LEF1: variants seen among roughly 807,000 people sequenced by gnomAD.
LEF1 encodes lymphoid enhancer-binding factor 1.
In LEF1, 14 loss-of-function variants were observed where a neutral mutation model predicts 51.2. That is an observed-to-expected ratio of 0.27 (90% CI 0.18 to 0.43). The LOEUF (loss-of-function observed/expected upper bound fraction) is 0.43, where lower values mean the gene tolerates loss of function less well. LEF1 is among the 20% of genes least tolerant of loss of function. The pLI is 1.00. For synonymous variants in LEF1, 185 were observed against 183.2 expected (o/e 1.01, Z -0.08); for missense variants, 386 against 512.0 (o/e 0.75, Z 2.37).
At chr4:108,116,412 C>T (rs1172888198) in intron 3 of LEF1, among the ~76,000 whole-genome samples, 1 of 152,168 alleles carries the variant, frequency 6.6e-6, no homozygotes, top group African/African-American at 2.4e-5. Flanking sequence ...GTCCCAGCTA[C>T]TTGACAGGCT....
At chr4:108,099,615 T>TATATAAAA (rs1553953129) in intron 3 of LEF1, among the ~76,000 whole-genome samples, 1 of 118,308 alleles carries the variant, frequency 8.5e-6, no homozygotes, top group Non-Finnish European at 1.7e-5. Flanking sequence ...TATATATATA[T>TATATAAAA]ATAAATAATA....
At position 108,048,549 on chromosome 4, in the gene LEF1, C is replaced by T. The variant is rs549190048; in HGVS notation, c.*209G>A. On this transcript the variant is annotated 3_prime_UTR_variant, in exon 12 of 12. Transcript: ENST00000265165. ...TTTGGAACTTGGCTCTTGCAGTAGACGAAAGAGGGGTTGGCAGTGATTGTC... is the reference window on the plus strand; with the variant it reads ...TTTGGAACTTGGCTCTTGCAGTAGATGAAAGAGGGGTTGGCAGTGATTGTC... 4.3e-5 allele frequency: 22 copies of T among 515,234 alleles called. No homozygotes were observed. In the South Asian group the frequency reaches 6.0e-4, roughly 14 times the overall value. 31.9% of individuals were successfully genotyped at this position (515,234 alleles called of 1,614,324 possible). A position where few individuals can be genotyped will look rare whatever the true frequency, so the allele number is the denominator to read the frequency against.
chr4:108,160,243 C>A (rs749648913), intron 3 of LEF1, among the ~76,000 whole-genome samples: 1 of 152,178 alleles, frequency 6.6e-6, no homozygotes, highest in Admixed American at 6.5e-5. Context: ...CAGAGCCAAA[C>A]TAGGGATGTA....
rs113508132 is a variant in LEF1, at chr4:108,083,389, C to G, written c.605G>C (p.Gly202Ala). 6 of 1,613,730 alleles carry G rather than the reference C, an allele frequency of 3.7e-6. No individual in the cohort carries two copies. The African/African-American group carries it at 6.7e-5, about 18-fold the overall frequency. Residue 202 changes from glycine (G) to alanine (A), a missense_variant, in exon 5 of 12, where the codon GGT (glycine) becomes GCT (alanine). Coordinates refer to ENST00000265165, the MANE Select transcript of LEF1 (RefSeq NM_016269.5). ...DIPTFYPLSP[G>A]GVGQITPPLG... ...AGGTGGGGTGATCTGTCCAACACCACCCGGAGACAAGGGATAAAAAGTAGG... is the reference window on the plus strand; with the variant it reads ...AGGTGGGGTGATCTGTCCAACACCAGCCGGAGACAAGGGATAAAAAGTAGG...
chr4:108,097,683 C>T (rs1017987133), intron 3 of LEF1, among the ~76,000 whole-genome samples: 2 of 152,124 alleles, frequency 1.3e-5, no homozygotes, highest in Admixed American at 6.5e-5. Flanking sequence ...ATCAAAACAT[C>T]ACATGTACCC....
intron 3 of LEF1, among the ~76,000 whole-genome samples, chr4:108,115,368 G>GA (rs1741769169): frequency 6.6e-6 from 1 of 152,190 alleles, no homozygotes; most frequent in African/African-American, 2.4e-5. Context: ...TGGCTATGGT[G>GA]AGTCCATGTC....
chr4:108,074,341 T>C (rs1465061631), intron 8 of LEF1, among the ~76,000 whole-genome samples: 2 of 152,160 alleles, frequency 1.3e-5, no homozygotes. Flanking sequence ...ACTTGTACAG[T>C]TCCAAGATAA....
chr4:108,071,379 A>C (rs1738464774), intron 8 of LEF1, among the ~76,000 whole-genome samples: 1 of 152,182 alleles, frequency 6.6e-6, no homozygotes, highest in African/African-American at 2.4e-5. Context: ...AACACTGATG[A>C]CACTGTCCAG....
intron 3 of LEF1, among the ~76,000 whole-genome samples, chr4:108,161,804 A>T (rs1435577384): frequency 6.6e-6 from 1 of 152,106 alleles, no homozygotes; most frequent in Non-Finnish European, 1.5e-5. Context: ...CAGCTGAAAA[A>T]CGTAAGGCTG....
intron 3 of LEF1, among the ~76,000 whole-genome samples, chr4:108,111,654 G>A (rs1236618057): frequency 6.6e-6 from 1 of 152,228 alleles, no homozygotes. Flanking sequence ...GCTCACGCCT[G>A]TAATCCTAGC....
chr4:108,099,045 G>A (rs1740575621), intron 3 of LEF1, among the ~76,000 whole-genome samples: 1 of 152,176 alleles, frequency 6.6e-6, no homozygotes. Flanking sequence ...CATGCCATAA[G>A]TGTAAAATAC....
At chr4:108,066,917 T>C (rs1356969673) in intron 9 of LEF1, among the ~76,000 whole-genome samples, 1 of 152,226 alleles carries the variant, frequency 6.6e-6, no homozygotes, top group Non-Finnish European at 1.5e-5. Flanking sequence ...GTTCAAATTA[T>C]AAATCTATGT....
chr4:108,147,096 C>T (rs76265149), intron 3 of LEF1, among the ~76,000 whole-genome samples: 2,380 of 152,118 alleles, frequency 0.016, 35 homozygotes, highest in Admixed American at 0.03. Flanking sequence ...CCATTGCACT[C>T]CAGCCTGGGT....
At chr4:108,086,184 G>A (rs1226610778) in intron 4 of LEF1, among the ~76,000 whole-genome samples, 1 of 152,120 alleles carries the variant, frequency 6.6e-6, no homozygotes, top group Non-Finnish European at 1.5e-5. Flanking sequence ...TCAGAAGTGT[G>A]TGTCTCTCCA....
chr4:108,109,539 G>A (rs781254670), intron 3 of LEF1, among the ~76,000 whole-genome samples: 3 of 152,148 alleles, frequency 2.0e-5, no homozygotes, highest in Non-Finnish European at 4.4e-5. Flanking sequence ...TTGAAGGACT[G>A]TATGAGCAGG....
At chr4:108,118,288 T>C (rs939284617) in intron 3 of LEF1, among the ~76,000 whole-genome samples, 1 of 152,252 alleles carries the variant, frequency 6.6e-6, no homozygotes, top group Non-Finnish European at 1.5e-5. Context: ...TGCTTTCATC[T>C]CTAGTCATCT....
intron 4 of LEF1, among the ~76,000 whole-genome samples, chr4:108,086,547 A>C (rs1453967762): frequency 6.6e-6 from 1 of 152,224 alleles, no homozygotes; most frequent in Non-Finnish European, 1.5e-5. Context: ...TATACAGCTC[A>C]CTAGCTATGC....
intron 3 of LEF1, among the ~76,000 whole-genome samples, chr4:108,149,729 A>C (rs994765764): frequency 1.3e-5 from 2 of 151,300 alleles, no homozygotes; most frequent in Non-Finnish European, 3.0e-5. Flanking sequence ...AAAGATGAGC[A>C]CACGTAATAC....
At chr4:108,062,577 C>T (rs6847362) in intron 11 of LEF1, among the ~76,000 whole-genome samples, 128,480 of 152,206 alleles carry the variant, frequency 0.84, 55,421 homozygotes, top group East Asian at 0.97. Context: ...TTTTAGCCAA[C>T]GGGAAGTACT....
Sources: allele counts gnomAD v4.1 joint callset (sites outside exome capture counted in the v4.1 genomes callset), GRCh38; gene constraint gnomAD v4.1.1; transcripts MANE v1.5; gene names NCBI Gene and HGNC (gene_info 2026-07-23, HGNC 2026-07-21).